Variants in CNOT2 observed in about 807,000 individuals in gnomAD.
CNOT2 encodes the protein CCR4-NOT transcription complex subunit 2.
Under a neutral mutation model 72.1 loss-of-function variants are expected in CNOT2, and 7 were observed. The observed-to-expected ratio is 0.10, with a 90% CI of 0.06 to 0.18. The LOEUF is 0.18. Among genes scored for constraint, CNOT2 ranks in the 10% least tolerant of loss-of-function variants. The pLI is 1.00. For synonymous variants in CNOT2, 196 were observed against 225.6 expected (o/e 0.87, Z 1.17); for missense variants, 345 against 660.3 (o/e 0.52, Z 5.23).
chr12:70,329,107 A>C (rs1303393340), intron 4 of CNOT2, among the ~76,000 whole-genome samples: 1 of 151,948 alleles, frequency 6.6e-6, no homozygotes, highest in African/African-American at 2.4e-5. Flanking sequence ...ATATATGCAA[A>C]TAGGCCTTTA....
At chr12:70,258,510 A>G (rs1958563845) in intron 1 of CNOT2, among the ~76,000 whole-genome samples, 1 of 152,186 alleles carries the variant, frequency 6.6e-6, no homozygotes, top group African/African-American at 2.4e-5. Context: ...AAGACAAGTA[A>G]TATTTAGGTA....
chr12:70,245,299 T>C (rs1293344396), intron 1 of CNOT2, among the ~76,000 whole-genome samples: 2 of 152,226 alleles, frequency 1.3e-5, no homozygotes, highest in Non-Finnish European at 2.9e-5. Flanking sequence ...TACTCACTTA[T>C]TTCTTGACTT....
intron 2 of CNOT2, among the ~76,000 whole-genome samples, chr12:70,302,026 T>G (rs1874098491): frequency 2.0e-5 from 3 of 152,250 alleles, no homozygotes; most frequent in Non-Finnish European, 4.4e-5. Flanking sequence ...TATAGTATTC[T>G]CTGATGGTGG....
At chr12:70,262,564 G>A (rs1958827823) in intron 1 of CNOT2, among the ~76,000 whole-genome samples, 1 of 152,182 alleles carries the variant, frequency 6.6e-6, no homozygotes, top group Non-Finnish European at 1.5e-5. Context: ...CGTGAGCCAC[G>A]GCGCCCGGCC....
chr12:70,351,444 A>G (rs1005824088), intron 15 of CNOT2, among the ~76,000 whole-genome samples: 3 of 152,220 alleles, frequency 2.0e-5, no homozygotes, highest in Admixed American at 2.0e-4. Context: ...GTGGAAAACA[A>G]GATTTTAAAA....
At chr12:70,322,786 GAA>G (rs1565811461) in intron 4 of CNOT2, 1 of 151,782 alleles carries the variant, frequency 6.6e-6, no homozygotes, top group Non-Finnish European at 1.5e-5. Flanking sequence ...GGGTGGTTCA[GAA>G]GTGATGCTAT....
At chr12:70,322,360 G>T (rs549906296) in intron 4 of CNOT2, 1 of 151,752 alleles carries the variant, frequency 6.6e-6, no homozygotes, top group Non-Finnish European at 1.5e-5. Flanking sequence ...TCCTAGATTA[G>T]AATCAACAGG....
At chr12:70,252,212 G>A (rs1958172716) in intron 1 of CNOT2, among the ~76,000 whole-genome samples, 1 of 151,974 alleles carries the variant, frequency 6.6e-6, no homozygotes, top group Admixed American at 6.6e-5. Context: ...TTTTGAGACA[G>A]GTCTCACTTT....
chr12:70,342,989 G>C (rs1881705289), intron 13 of CNOT2, among the ~76,000 whole-genome samples: 1 of 152,124 alleles, frequency 6.6e-6, no homozygotes, highest in South Asian at 2.1e-4. Context: ...TTACAGTTCT[G>C]TGGTCAAGTG....
chr12:70,330,541 C>A, intron 6 of CNOT2, 72 bp downstream of exon 6: 1 of 1,086,858 alleles, frequency 9.2e-7, no homozygotes. Context: ...CATATTTTCA[C>A]TTTGTTCTTG....
At chr12:70,310,747 A>C in intron 2 of CNOT2, 148 bp from the exon 3 acceptor site, 1 of 567,112 alleles carries the variant, frequency 1.8e-6, no homozygotes, top group Non-Finnish European at 3.1e-6. Context: ...CAGATTTATG[A>C]CTTTATCACA....
intron 1 of CNOT2, among the ~76,000 whole-genome samples, chr12:70,274,600 A>G (rs1868441930): frequency 6.6e-6 from 1 of 152,102 alleles, no homozygotes; most frequent in Non-Finnish European, 1.5e-5. Flanking sequence ...AAGTGGGATG[A>G]GGGGAACATG....
intron 1 of CNOT2, among the ~76,000 whole-genome samples, chr12:70,273,549 A>G (rs1868331847): frequency 6.6e-6 from 1 of 152,182 alleles, no homozygotes; most frequent in Non-Finnish European, 1.5e-5. Flanking sequence ...CTTTTCGGGC[A>G]GCAGGAAGAC....
chr12:70,337,695 T>A, intron 9 of CNOT2, 182 bp downstream of exon 9: 3 of 683,602 alleles, frequency 4.4e-6, no homozygotes, highest in Admixed American at 4.6e-5. Context: ...TTTTTCCTAT[T>A]TCATATAGGT....
intron 2 of CNOT2, among the ~76,000 whole-genome samples, chr12:70,305,362 C>T (rs892635162): frequency 2.0e-5 from 3 of 152,178 alleles, no homozygotes; most frequent in Non-Finnish European, 2.9e-5. Flanking sequence ...AGGAAATACC[C>T]GCCTTCATGA....
intron 15 of CNOT2, chr12:70,348,077 T>A (rs755975026): frequency 3.9e-5 from 6 of 152,224 alleles, no homozygotes; most frequent in Non-Finnish European, 7.3e-5. Context: ...TTATGAAGAT[T>A]AAATGAGATT....
intron 1 of CNOT2, among the ~76,000 whole-genome samples, chr12:70,250,735 G>A (rs1314207298): frequency 4.6e-5 from 7 of 152,080 alleles, no homozygotes; most frequent in African/African-American, 7.2e-5. Context: ...CCAGGCAGAA[G>A]TAATAGAAGG....
chr12:70,257,391 C>T (rs58355101), intron 1 of CNOT2, among the ~76,000 whole-genome samples: 38,126 of 138,720 alleles, frequency 0.27, 6,068 homozygotes, highest in East Asian at 0.72. Flanking sequence ...GACGGAGTCT[C>T]GCTCTTTCGC....
chr12:70,271,013 A>G (rs924239730), intron 1 of CNOT2, among the ~76,000 whole-genome samples: 1 of 152,202 alleles, frequency 6.6e-6, no homozygotes, highest in African/African-American at 2.4e-5. Context: ...CAGTATGGAA[A>G]ACTATTTTCT....
Sources: gnomAD v4.1 joint callset for allele counts (sites outside exome capture counted in the v4.1 genomes callset) on GRCh38, gnomAD v4.1.1 for gene constraint, MANE v1.5 for transcripts, NCBI Gene and HGNC (gene_info 2026-07-23, HGNC 2026-07-21) for gene names.